RBMS3: variants seen among roughly 807,000 people sequenced by gnomAD.
The protein encoded by RBMS3 is RNA binding motif single stranded interacting protein 3.
A neutral mutation model predicts 66.8 loss-of-function variants in RBMS3; 27 were observed. That is an observed-to-expected ratio of 0.40 (90% confidence interval 0.30 to 0.56). RBMS3 has a LOEUF of 0.56. Ranked by LOEUF, RBMS3 falls within the 20% of genes least tolerant of loss-of-function variation. The pLI is 0.40. For synonymous variants in RBMS3, 188 were observed against 183.0 expected (o/e 1.03, Z -0.22); for missense variants, 513 against 549.5 (o/e 0.93, Z 0.66).
intron 11 of RBMS3, among the ~76,000 whole-genome samples, chr3:29,940,167 CT>C (rs2061356311): frequency 6.6e-6 from 1 of 151,848 alleles, no homozygotes; most frequent in South Asian, 2.1e-4. Context: ...AGTCTCTGCC[CT>C]GGGACTCATT....
chr3:29,989,420 C>CT (rs1559867758), intron 13 of RBMS3, among the ~76,000 whole-genome samples: 2 of 152,114 alleles, frequency 1.3e-5, no homozygotes, highest in African/African-American at 4.8e-5. Flanking sequence ...TTATGGTCAC[C>CT]GTGCATTCCT....
intron 1 of RBMS3, among the ~76,000 whole-genome samples, chr3:29,373,044 A>G (rs1435379348): frequency 6.6e-6 from 1 of 152,210 alleles, no homozygotes; most frequent in East Asian, 1.9e-4. Context: ...CTGGGCACAC[A>G]TAACTTTCTC....
chr3:29,455,273 G>T (rs2042147651), intron 2 of RBMS3, among the ~76,000 whole-genome samples: 1 of 152,116 alleles, frequency 6.6e-6, no homozygotes, highest in African/African-American at 2.4e-5. Context: ...CTGAAAGCAG[G>T]AATTGTCTTA....
intron 9 of RBMS3, 21 bp downstream of exon 9, chr3:29,897,496 C>T (rs763235834): frequency 1.3e-6 from 2 of 1,584,394 alleles, no homozygotes; most frequent in South Asian, 2.2e-5. Flanking sequence ...TTTACCTGCA[C>T]CTTAGGAGAT....
chr3:29,486,425 TCG>T, intron 2 of RBMS3, among the ~76,000 whole-genome samples: 1 of 152,304 alleles, frequency 6.6e-6, no homozygotes, highest in South Asian at 2.1e-4. Context: ...TTCTGTGCTG[TCG>T]GAAAGTCTGG....
chr3:29,984,447 T>A (rs2149788665), intron 12 of RBMS3, among the ~76,000 whole-genome samples: 1 of 152,074 alleles, frequency 6.6e-6, no homozygotes, highest in South Asian at 2.1e-4. Context: ...TCCAGTTTTG[T>A]TCTCTCACTG....
At chr3:29,458,475 A>G (rs1230683435) in intron 2 of RBMS3, among the ~76,000 whole-genome samples, 1 of 152,178 alleles carries the variant, frequency 6.6e-6, no homozygotes, top group Non-Finnish European at 1.5e-5. Flanking sequence ...CCTTATATAA[A>G]ATTGCACAGT....
rs115177139 is a variant in RBMS3 at position 29,577,916 on chromosome 3, T to C, written c.308-9198T>C. On this transcript the variant is annotated intron_variant, in intron 3 of 14. Transcript: ENST00000383767. ...GTTTTGGTCCTTGAGATGATGCTTT[T>C]CTGTGTGCAGATAGTTGCTAAAATT... 4.7e-3 allele frequency among the ~76,000 whole-genome samples: 716 copies of C among 152,298 alleles called. 1 individual carries two copies. Among genetic ancestry groups the C allele is most frequent in the Non-Finnish European group, 7.5e-3 (511 of 68,016 alleles).
chr3:29,453,558 G>A lies in RBMS3; in HGVS notation c.248+18643G>A, dbSNP rs183330826. Among the ~76,000 whole-genome samples the A allele has an allele frequency of 1.0e-3, 158 of 152,306 alleles. 1 individual carries two copies. The highest frequency in any genetic ancestry group is 3.7e-3 in the African/African-American group (152 of 41,568). ...AACCAAACCCTTGAGGCTTTCTCTG[G>A]GTTTGTTCTCTTCCAGCCTCATGGT... On this transcript the variant is annotated intron_variant, in intron 2 of 14. Transcript: ENST00000383767.
intron 2 of RBMS3, among the ~76,000 whole-genome samples, chr3:29,472,773 C>T (rs534334738): frequency 1.3e-5 from 2 of 152,084 alleles, no homozygotes; most frequent in Non-Finnish European, 2.9e-5. Context: ...CTCATAAAGG[C>T]AGTGTGGACC....
At chr3:29,589,686 A>G (rs182724413) in intron 4 of RBMS3, among the ~76,000 whole-genome samples, 1 of 152,176 alleles carries the variant, frequency 6.6e-6, no homozygotes, top group Non-Finnish European at 1.5e-5. Context: ...CCTGGTGATA[A>G]CTATTATTTA....
In RBMS3 at chr3:30,007,486, G is replaced by GTTTT. The variant is rs1699833738; in HGVS notation, c.*3625_*3626insTTTT. The GTTTT allele has an allele frequency of 6.6e-6, 1 of 152,044 alleles. No individual in the cohort carries two copies. The highest frequency in any genetic ancestry group is 2.4e-5 in the African/African-American group (1 of 41,416). The allele number at this position is 152,044 out of a possible 1,614,324, so 9.4% of individuals were successfully genotyped here. A position where few individuals can be genotyped will look rare whatever the true frequency, so the allele number is the denominator to read the frequency against. Reference sequence around the variant, plus strand: ...CCACAATCCAAATGAGAGAAACACTGTCTCGTCTAAACTCTAGTTTCATGG... The same window carrying GTTTT: ...CCACAATCCAAATGAGAGAAACACTGTTTTTCTCGTCTAAACTCTAGTTTCATGG... On this transcript the variant is annotated 3_prime_UTR_variant, in exon 15 of 15. Coordinates refer to ENST00000383767, the MANE Select transcript of RBMS3 (RefSeq NM_001003793.3).
At chr3:29,623,175 G>A (rs1318156551) in intron 4 of RBMS3, among the ~76,000 whole-genome samples, 2 of 142,050 alleles carry the variant, frequency 1.4e-5, no homozygotes, top group Non-Finnish European at 3.1e-5. Context: ...TTAACTTGGG[G>A]GGGGGGGTCT....
At chr3:29,938,349 A>C (rs1056875988) in intron 11 of RBMS3, among the ~76,000 whole-genome samples, 1 of 151,968 alleles carries the variant, frequency 6.6e-6, no homozygotes, top group African/African-American at 2.4e-5. Context: ...AGTTTTAAGC[A>C]TATGATTTAT....
At chr3:29,686,693 A>G (rs2051747994) in intron 4 of RBMS3, among the ~76,000 whole-genome samples, 1 of 152,192 alleles carries the variant, frequency 6.6e-6, no homozygotes, top group Non-Finnish European at 1.5e-5. Context: ...AAATTCAAAA[A>G]CAAATAATTA....
chr3:29,637,943 T>C (rs1194536775), intron 4 of RBMS3, among the ~76,000 whole-genome samples: 7 of 151,944 alleles, frequency 4.6e-5, no homozygotes, highest in Non-Finnish European at 7.4e-5. Flanking sequence ...TCTTTGCCAA[T>C]GCAAAACAAA....
At chr3:29,675,031 G>C (rs1260073348) in intron 4 of RBMS3, among the ~76,000 whole-genome samples, 3 of 152,112 alleles carry the variant, frequency 2.0e-5, no homozygotes, top group Admixed American at 2.0e-4. Context: ...AACAAAAACA[G>C]CATGGTACTG....
At chr3:29,624,388 T>A (rs1378883761) in intron 4 of RBMS3, among the ~76,000 whole-genome samples, 1 of 152,196 alleles carries the variant, frequency 6.6e-6, no homozygotes, top group Non-Finnish European at 1.5e-5. Flanking sequence ...ACTGTGAGAA[T>A]GAAAGTTAAA....
chr3:29,688,475 CA>C (rs2051831636), intron 4 of RBMS3, among the ~76,000 whole-genome samples: 3 of 150,570 alleles, frequency 2.0e-5, no homozygotes, highest in African/African-American at 7.3e-5. Context: ...GTAGATCCCA[CA>C]TTGTGAATTT....
Sources: gnomAD v4.1 joint callset for allele counts (sites outside exome capture counted in the v4.1 genomes callset) on GRCh38, gnomAD v4.1.1 for gene constraint, MANE v1.5 for transcripts, NCBI Gene and HGNC (gene_info 2026-07-23, HGNC 2026-07-21) for gene names.